MTMR12: variants seen among roughly 807,000 people sequenced by gnomAD.
MTMR12 encodes myotubularin-related protein 12.
MTMR12 carries 33 observed loss-of-function variants against 96.7 expected under a neutral mutation model. The ratio of observed to expected loss-of-function variants is 0.34; its 90% CI spans 0.26 to 0.46. The LOEUF is 0.46. Ranked by LOEUF, MTMR12 falls within the 20% of genes least tolerant of loss-of-function variation. MTMR12 has a pLI of 1.00. For synonymous variants in MTMR12, 298 were observed against 327.2 expected, an observed-to-expected ratio of 0.91 and a Z score of 0.96; for missense variants, 721 against 896.1, an observed-to-expected ratio of 0.80 and a Z score of 2.49.
At position 32,227,429 on chromosome 5, in the gene MTMR12, C is replaced by T. The variant is rs936083533; in HGVS notation, c.*2349G>A. On this transcript the variant is annotated 3_prime_UTR_variant, in exon 16 of 16. Transcript: ENST00000382142. ...ATATAAATACAAAAATTGTCATGAC[C>T]TTACACGTTACAACAGCTTATTTTT... is the stretch of plus-strand genomic sequence containing the variant. 6.6e-6 allele frequency: 1 copy of T among 152,504 alleles called. No individual in the cohort carries two copies. The highest frequency in any genetic ancestry group is 2.4e-5 in the African/African-American group (1 of 41,412). 9.4% of individuals were successfully genotyped at this position (152,504 alleles called of 1,614,324 possible). A position where few individuals can be genotyped will look rare whatever the true frequency, so the allele number is the denominator to read the frequency against.
intron 1 of MTMR12, among the ~76,000 whole-genome samples, chr5:32,292,243 G>A (rs149793876): frequency 6.7e-4 from 102 of 152,232 alleles, no homozygotes; most frequent in African/African-American, 2.1e-3. Flanking sequence ...CTGAATCAGC[G>A]TTCAATACAT....
chr5:32,232,026 C>A (rs944069626), intron 15 of MTMR12, among the ~76,000 whole-genome samples: 1 of 152,262 alleles, frequency 6.6e-6, no homozygotes, highest in Non-Finnish European at 1.5e-5. Context: ...CTCTACTGAG[C>A]TCTCCTTGGT....
At position 32,276,873 on chromosome 5, in the gene MTMR12, CTTTTTTTTTTTTTTTTTTT is replaced by C. The variant is rs779455702; in HGVS notation, c.82-150_82-132del. The C allele has an allele frequency of 1.5e-4, 18 of 123,738 alleles. 1 individual carries two copies. Among genetic ancestry groups the C allele is most frequent in the Non-Finnish European group, 2.2e-4 (16 of 72,428 alleles). The allele number at this position is 123,738 out of a possible 1,614,324, so 7.7% of individuals were successfully genotyped here. A position where few individuals can be genotyped will look rare whatever the true frequency, so the allele number is the denominator to read the frequency against. ...AGCTTTTCGTTTATGTTACAAGCTA[CTTTTTTTTTTTTTTTTTTT>C]TTTTTTTTTTTTGAGATGGAGTCTC... On this transcript the variant is annotated intron_variant, in intron 1 of 15. Transcript: ENST00000382142.
In MTMR12 at chr5:32,243,625, C is replaced by T. The variant is rs372836371; in HGVS notation, c.1022-26G>A. ...CTGAAAAAAGAAAAAGGAGTAAAGACGTCAGGTCATTGTTCACTGACATAC... is the reference window on the plus strand; with the variant it reads ...CTGAAAAAAGAAAAAGGAGTAAAGATGTCAGGTCATTGTTCACTGACATAC... On this transcript the variant is annotated intron_variant, in intron 10 of 15. Transcript: ENST00000382142. 285 of 1,460,216 alleles carry T rather than the reference C, an allele frequency of 2.0e-4. 1 individual carries two copies. Among genetic ancestry groups the T allele is most frequent in the Admixed American group, 7.0e-4 (41 of 58,920 alleles). 90.5% of individuals were successfully genotyped at this position (1,460,216 alleles called of 1,614,324 possible). A position where few individuals can be genotyped will look rare whatever the true frequency, so the allele number is the denominator to read the frequency against.
chr5:32,237,139 C>CAAGCT (rs1420503111), intron 13 of MTMR12, among the ~76,000 whole-genome samples: 1 of 152,234 alleles, frequency 6.6e-6, no homozygotes, highest in Non-Finnish European at 1.5e-5. Context: ...CATTCTGTGT[C>CAAGCT]AAGCTGTTCT....
At chr5:32,303,356 G>A (rs1248695578) in intron 1 of MTMR12, among the ~76,000 whole-genome samples, 1 of 152,084 alleles carries the variant, frequency 6.6e-6, no homozygotes, top group Admixed American at 6.6e-5. Context: ...GTAAGCAAAG[G>A]GGAATAAAGG....
chr5:32,274,177 C>G, intron 2 of MTMR12, 55 bp from the exon 3 acceptor site: 2 of 1,584,814 alleles, frequency 1.3e-6, no homozygotes, highest in Non-Finnish European at 1.7e-6. Context: ...ATACGATATG[C>G]AAACACTAAA....
chr5:32,241,602 G>C (rs1748478969), intron 12 of MTMR12, among the ~76,000 whole-genome samples: 1 of 152,210 alleles, frequency 6.6e-6, no homozygotes, highest in South Asian at 2.1e-4. Context: ...ATCATGTACA[G>C]CGAGTTAAGC....
At chr5:32,295,430 C>T (rs192935705) in intron 1 of MTMR12, among the ~76,000 whole-genome samples, 160 of 152,304 alleles carry the variant, frequency 1.1e-3, no homozygotes, top group Admixed American at 1.8e-3. Context: ...GCTGTTTACG[C>T]GTTATGCAAA....
chr5:32,242,396 A>C (rs57074075), intron 11 of MTMR12, among the ~76,000 whole-genome samples: 13,019 of 152,170 alleles, frequency 0.086, 1,867 homozygotes, highest in African/African-American at 0.29. Context: ...TAAACTAGAC[A>C]TTCTTATTAA....
chr5:32,296,048 A>G (rs1436158050), intron 1 of MTMR12, among the ~76,000 whole-genome samples: 1 of 152,178 alleles, frequency 6.6e-6, no homozygotes, highest in African/African-American at 2.4e-5. Flanking sequence ...AATCCCAGCT[A>G]CTAGGGAGGC....
intron 1 of MTMR12, chr5:32,309,591 C>A (rs1419608982): frequency 6.6e-6 from 1 of 151,676 alleles, no homozygotes; most frequent in African/African-American, 2.4e-5. Flanking sequence ...ATACAAATGG[C>A]AAAAAAAGGT....
At chr5:32,302,449 T>G (rs946168632) in intron 1 of MTMR12, among the ~76,000 whole-genome samples, 1 of 152,290 alleles carries the variant, frequency 6.6e-6, no homozygotes, top group Middle Eastern at 3.4e-3. Flanking sequence ...CTGGGTACGG[T>G]GGCTCACGCC....
intron 8 of MTMR12, among the ~76,000 whole-genome samples, chr5:32,249,217 T>A (rs532284146): frequency 5.6e-4 from 86 of 152,310 alleles, no homozygotes; most frequent in Admixed American, 9.8e-4. Context: ...TGTCAGGTAT[T>A]TTACATGAAT....
chr5:32,312,359 G>A lies in MTMR12; in HGVS notation c.81+399C>T, dbSNP rs1156276602. Among the ~76,000 whole-genome samples, 1 of 152,228 alleles carries A rather than the reference G, an allele frequency of 6.6e-6. No individual in the cohort carries two copies. Among genetic ancestry groups the A allele is most frequent in the East Asian group, 1.9e-4 (1 of 5,194 alleles). On this transcript the variant is annotated intron_variant, in intron 1 of 15. Coordinates refer to ENST00000382142, the MANE Select transcript of MTMR12 (RefSeq NM_001040446.3). The surrounding 1 kb of genome is among the most constrained non-coding windows in gnomAD (Gnocchi z 5.0). ...GCGGGCTTCTGGGCTCACTGAGAAA[G>A]TCCAGAGGCAGGACGGACCCACGCG...
chr5:32,307,306 T>C (rs543057132), intron 1 of MTMR12, among the ~76,000 whole-genome samples: 1 of 152,308 alleles, frequency 6.6e-6, no homozygotes, highest in East Asian at 1.9e-4. Flanking sequence ...ACCCAAACTA[T>C]AACCATATCC....
At chr5:32,274,958 G>A (rs1749994898) in intron 2 of MTMR12, among the ~76,000 whole-genome samples, 1 of 151,808 alleles carries the variant, frequency 6.6e-6, no homozygotes, top group Non-Finnish European at 1.5e-5. Flanking sequence ...AAGACTATGG[G>A]GGAAATGAAA....
chr5:32,229,811 T>C lies in MTMR12; in HGVS notation c.2211A>G (p.Arg737=). ...ALGDEDDLAK[R]EDEFVDLGDV Reference sequence around the variant, plus strand: ...CCCCTAGGTCCACGAACTCATCTTCTCGTTTGGCCAAATCGTCTTCATCTC... The same window carrying C: ...CCCCTAGGTCCACGAACTCATCTTCCCGTTTGGCCAAATCGTCTTCATCTC... Residue 737 remains arginine (R), a synonymous_variant, in exon 16 of 16, where the codon CGA becomes CGG. Transcript: ENST00000382142. 6.4e-7 allele frequency: 1 copy of C among 1,557,004 alleles called. No homozygotes were observed. Among genetic ancestry groups the C allele is most frequent in the Non-Finnish European group, 8.7e-7 (1 of 1,152,440 alleles).
intron 15 of MTMR12, 77 bp from the exon 16 acceptor site, chr5:32,230,424 A>G: frequency 7.4e-7 from 1 of 1,342,402 alleles, no homozygotes; most frequent in Non-Finnish European, 1.0e-6. Context: ...TAACAAAAAG[A>G]GCATAACCCT....
Sources: gnomAD v4.1 joint callset for allele counts (sites outside exome capture counted in the v4.1 genomes callset) on GRCh38, gnomAD v4.1.1 for gene constraint, Gnocchi (gnomAD v3.1) non-coding constraint, MANE v1.5 for transcripts, NCBI Gene and HGNC (gene_info 2026-07-23, HGNC 2026-07-21) for gene names.